The following RAD51B variants were observed in gnomAD, a reference collection of about 807,000 sequenced individuals.
RAD51B encodes RAD51 paralog B.
RAD51B carries 38 observed loss-of-function variants against 42.2 expected under a neutral mutation model. The observed-to-expected ratio is 0.90, with a 90% CI of 0.70 to 1.18. The LOEUF (loss-of-function observed/expected upper bound fraction) is 1.18. Among genes scored for constraint, RAD51B ranks in the 50% most tolerant of loss-of-function variants. The pLI is 0.00. For missense variants in RAD51B, 373 were observed against 400.7 expected (o/e 0.93, Z 0.59); for synonymous variants, 154 against 145.2 (o/e 1.06, Z -0.43).
intron 11 of RAD51B, among the ~76,000 whole-genome samples, chr14:68,662,652 C>CTACCA (rs1892956075): frequency 6.6e-6 from 1 of 152,238 alleles, no homozygotes; most frequent in Non-Finnish European, 1.5e-5. Flanking sequence ...ATGCCATGTG[C>CTACCA]TACCAACTTA....
rs1237293928 is a variant in RAD51B, at chr14:68,092,913, T to C, written c.757-198971T>C. Among the ~76,000 whole-genome samples the C allele has an allele frequency of 6.6e-5, 10 of 151,056 alleles. 1 individual carries two copies. In the South Asian group the frequency reaches 1.9e-3, roughly 29 times the overall value. On this transcript the variant is annotated intron_variant, in intron 7 of 10. Coordinates refer to ENST00000471583, the MANE Select transcript of RAD51B (RefSeq NM_133510.4). ...TCTTGAGAATTTTTAGCATGAAGGGTCGTTGAATTTTGTCAAAGGCTTTTT... is the reference window on the plus strand; with the variant it reads ...TCTTGAGAATTTTTAGCATGAAGGGCCGTTGAATTTTGTCAAAGGCTTTTT...
At chr14:68,528,367 C>T (rs1192516018) in intron 10 of RAD51B, among the ~76,000 whole-genome samples, 1 of 152,204 alleles carries the variant, frequency 6.6e-6, no homozygotes, top group South Asian at 2.1e-4. Context: ...CCTTCTTCCT[C>T]TATGGTTTAA....
intron 7 of RAD51B, among the ~76,000 whole-genome samples, chr14:68,211,408 G>A (rs1247952130): frequency 6.6e-6 from 1 of 152,132 alleles, no homozygotes; most frequent in Non-Finnish European, 1.5e-5. Flanking sequence ...TCCTGTTTTT[G>A]TACCACCTTC....
chr14:68,236,024 A>G (rs2080249548), intron 7 of RAD51B, among the ~76,000 whole-genome samples: 1 of 152,148 alleles, frequency 6.6e-6, no homozygotes, highest in Non-Finnish European at 1.5e-5. Flanking sequence ...ATATAGACAC[A>G]AAGAAGGGAA....
intron 7 of RAD51B, among the ~76,000 whole-genome samples, chr14:68,091,254 C>G (rs1329226003): frequency 6.6e-6 from 1 of 152,130 alleles, no homozygotes; most frequent in Non-Finnish European, 1.5e-5. Context: ...ATTTCTAGTT[C>G]TAGATCCCTG....
At chr14:68,303,314 T>G (rs12885750) in intron 8 of RAD51B, among the ~76,000 whole-genome samples, 82,181 of 151,842 alleles carry the variant, frequency 0.54, 23,540 homozygotes, top group South Asian at 0.65. Context: ...CACACCAGGT[T>G]GGGGGCTAGG....
At chr14:68,467,498 A>G (rs547974830) in intron 9 of RAD51B, among the ~76,000 whole-genome samples, 1 of 152,370 alleles carries the variant, frequency 6.6e-6, no homozygotes, top group Admixed American at 6.5e-5. Context: ...GCAGACTAGC[A>G]TGGACATATT....
intron 10 of RAD51B, chr14:68,594,478 CTCTT>C: frequency 7.3e-7 from 1 of 1,366,416 alleles, no homozygotes; most frequent in Non-Finnish European, 9.7e-7. Context: ...TTTTCTCTCT[CTCTT>C]AGAGACAACA....
At chr14:68,540,186 TTTTTTA>T in intron 10 of RAD51B, 6 of 959,188 alleles carry the variant, frequency 6.3e-6, no homozygotes, top group Non-Finnish European at 6.2e-6. Context: ...TTTTTTTTTT[TTTTTTA>T]AATACAGGAT....
At chr14:68,226,621 C>T (rs558031367) in intron 7 of RAD51B, among the ~76,000 whole-genome samples, 54 of 152,328 alleles carry the variant, frequency 3.5e-4, no homozygotes, top group African/African-American at 1.2e-3. Flanking sequence ...TCCTCCTTGC[C>T]TTCTGCCATG....
intron 7 of RAD51B, among the ~76,000 whole-genome samples, chr14:67,890,496 A>G (rs573912485): frequency 1.3e-5 from 2 of 151,752 alleles, no homozygotes; most frequent in Non-Finnish European, 2.9e-5. Context: ...GTTTTAGGGT[A>G]CATGTGCACA....
At chr14:68,404,416 C>A (rs2084206453) in intron 8 of RAD51B, among the ~76,000 whole-genome samples, 1 of 152,170 alleles carries the variant, frequency 6.6e-6, no homozygotes, top group African/African-American at 2.4e-5. Context: ...CAGATTCCTC[C>A]TACTTTAAAT....
intron 7 of RAD51B, among the ~76,000 whole-genome samples, chr14:67,972,426 T>C (rs1249644923): frequency 6.6e-6 from 1 of 152,086 alleles, no homozygotes; most frequent in Non-Finnish European, 1.5e-5. Flanking sequence ...GACAGGCTTA[T>C]GGTGTGTCCT....
intron 7 of RAD51B, among the ~76,000 whole-genome samples, chr14:68,191,304 T>A (rs1320249248): frequency 6.6e-6 from 1 of 152,176 alleles, no homozygotes; most frequent in African/African-American, 2.4e-5. Context: ...GCCATAGATT[T>A]GCTTTATGGA....
chr14:67,856,182 A>C (rs188255952), intron 4 of RAD51B, among the ~76,000 whole-genome samples: 1 of 151,306 alleles, frequency 6.6e-6, no homozygotes, highest in Non-Finnish European at 1.5e-5. Context: ...TCCCATCCCT[A>C]CTCTTCCTCT....
At chr14:68,629,777 T>C (rs890386338) in intron 10 of RAD51B, among the ~76,000 whole-genome samples, 1 of 152,210 alleles carries the variant, frequency 6.6e-6, no homozygotes, top group Non-Finnish European at 1.5e-5. Flanking sequence ...TCCTAAGATA[T>C]TTATTTTTAA....
chr14:68,371,381 G>A (rs1206111919), intron 8 of RAD51B, among the ~76,000 whole-genome samples: 3 of 152,196 alleles, frequency 2.0e-5, no homozygotes, highest in Non-Finnish European at 4.4e-5. Flanking sequence ...AGCTGGGCGT[G>A]GTGGTGCATG....
chr14:68,540,491 C>T, intron 10 of RAD51B: 4 of 985,258 alleles, frequency 4.1e-6, no homozygotes, highest in Non-Finnish European at 4.8e-6. Flanking sequence ...TTATTTATTG[C>T]TCAGCTTGTT....
chr14:68,331,381 A>AAAAAAAAAAAAAAAAAAG (rs2082347593), intron 8 of RAD51B, among the ~76,000 whole-genome samples: 1 of 148,652 alleles, frequency 6.7e-6, no homozygotes, highest in Non-Finnish European at 1.5e-5. Flanking sequence ...AAAAAAAAAA[A>AAAAAAAAAAAAAAAAAAG]AAAAGCAATG....
Sources: gnomAD v4.1 joint callset for allele counts (sites outside exome capture counted in the v4.1 genomes callset) on GRCh38, gnomAD v4.1.1 for gene constraint, MANE v1.5 for transcripts, NCBI Gene and HGNC (gene_info 2026-07-23, HGNC 2026-07-21) for gene names.